DIAPH3: variants seen among roughly 807,000 people sequenced by gnomAD.
The protein encoded by DIAPH3 is protein diaphanous homolog 3.
DIAPH3 carries 117 observed loss-of-function variants against 144.3 expected under a neutral mutation model. That is an observed-to-expected ratio of 0.81 (90% CI 0.70 to 0.95). The LOEUF (loss-of-function observed/expected upper bound fraction) is 0.95. DIAPH3 is among the 40% of genes least tolerant of loss of function. DIAPH3 has a pLI of 0.00. For synonymous variants in DIAPH3, 519 were observed against 488.9 expected (o/e 1.06, Z -0.81); for missense variants, 1,421 against 1,412.7 (o/e 1.01, Z -0.09).
chr13:59,711,563 C>G (rs1186747231), intron 27 of DIAPH3, among the ~76,000 whole-genome samples: 2 of 152,212 alleles, frequency 1.3e-5, no homozygotes, highest in East Asian at 1.9e-4. Context: ...ACCACTACCC[C>G]CTCTCTTACC....
intron 27 of DIAPH3, among the ~76,000 whole-genome samples, chr13:59,752,459 C>T (rs780510697): frequency 3.3e-4 from 50 of 151,832 alleles, no homozygotes; most frequent in South Asian, 8.3e-4. Context: ...TCTCGACCTC[C>T]TAGGCTCAAG....
intron 27 of DIAPH3, among the ~76,000 whole-genome samples, chr13:59,676,232 A>G (rs1029951338): frequency 1.3e-5 from 2 of 152,230 alleles, no homozygotes; most frequent in African/African-American, 4.8e-5. Context: ...GTAGCTATCC[A>G]GACTCAGTTT....
chr13:60,095,720 G>A (rs2058088630), intron 3 of DIAPH3, among the ~76,000 whole-genome samples: 1 of 151,946 alleles, frequency 6.6e-6, no homozygotes, highest in Non-Finnish European at 1.5e-5. Context: ...AGAAATAGAT[G>A]TAAAATGTAA....
At chr13:59,898,293 T>C (rs1353795780) in intron 20 of DIAPH3, among the ~76,000 whole-genome samples, 2 of 152,186 alleles carry the variant, frequency 1.3e-5, no homozygotes, top group African/African-American at 4.8e-5. Context: ...TATATTCACG[T>C]ATATTTTAAC....
intron 20 of DIAPH3, among the ~76,000 whole-genome samples, chr13:59,897,869 C>T (rs942476182): frequency 5.9e-5 from 9 of 151,918 alleles, no homozygotes; most frequent in East Asian, 1.9e-4. Context: ...TGGTGGCTCA[C>T]GCCTGTAATT....
intron 18 of DIAPH3, among the ~76,000 whole-genome samples, chr13:59,922,273 C>A (rs537904596): frequency 6.6e-6 from 1 of 151,920 alleles, no homozygotes; most frequent in Admixed American, 6.6e-5. Context: ...CAGAAAACAA[C>A]CTTAAATATA....
chr13:59,872,606 A>G (rs2044344090), intron 21 of DIAPH3, among the ~76,000 whole-genome samples: 2 of 152,258 alleles, frequency 1.3e-5, no homozygotes, highest in Admixed American at 1.3e-4. Flanking sequence ...CCAAAAATGT[A>G]GAAACAATGC....
At chr13:59,905,726 G>A (rs2046699786) in intron 20 of DIAPH3, among the ~76,000 whole-genome samples, 1 of 152,160 alleles carries the variant, frequency 6.6e-6, no homozygotes, top group Admixed American at 6.5e-5. Flanking sequence ...CCTTATAAGA[G>A]GGAAGCAGGA....
intron 14 of DIAPH3, among the ~76,000 whole-genome samples, chr13:59,974,823 C>G (rs147147505): frequency 6.6e-6 from 1 of 152,040 alleles, no homozygotes; most frequent in Non-Finnish European, 1.5e-5. Flanking sequence ...TTCCTTGCAT[C>G]TTCCACCTGC....
intron 3 of DIAPH3, among the ~76,000 whole-genome samples, chr13:60,100,702 G>T (rs1205754987): frequency 6.0e-5 from 9 of 151,006 alleles, no homozygotes; most frequent in Admixed American, 4.6e-4. Context: ...TATTTTAAAA[G>T]ACTAAATTGA....
chr13:59,971,063 G>C lies in DIAPH3; in HGVS notation c.1748C>G (p.Ser583Cys). The change falls in exon 16 of 28, where the codon TCT (serine) becomes TGT (cysteine). Residue 583 changes from serine to cysteine, a missense_variant. By Grantham distance (112) the Ser-to-Cys change is moderately radical (BLOSUM62 -1). Transcript: ENST00000400324. ...AGGTGGAGGCGGCACCCCTCCACCA[G>C]AAGGCAGTGGAGGCGGAGGAGGAAG... The part of the protein sequence containing the change: ...SALPPPPPLP[S>C]GGGVPPPPPP... 1 of 1,613,784 alleles carries C rather than the reference G, an allele frequency of 6.2e-7. No homozygotes were observed. The highest frequency in any genetic ancestry group is 8.5e-7 in the Non-Finnish European group (1 of 1,179,902).
At chr13:59,885,648 G>A (rs553009634) in intron 20 of DIAPH3, among the ~76,000 whole-genome samples, 1 of 152,042 alleles carries the variant, frequency 6.6e-6, no homozygotes, top group South Asian at 2.1e-4. Context: ...CCCACAAAAG[G>A]TATGTCTAAA....
At chr13:59,818,479 C>T (rs1226742383) in intron 24 of DIAPH3, among the ~76,000 whole-genome samples, 1 of 151,030 alleles carries the variant, frequency 6.6e-6, no homozygotes, top group Non-Finnish European at 1.5e-5. Flanking sequence ...TTCTCTCTGG[C>T]TGCAATTTTT....
chr13:59,983,155 A>AC (rs2051134286), intron 13 of DIAPH3, among the ~76,000 whole-genome samples: 2 of 149,808 alleles, frequency 1.3e-5, no homozygotes, highest in Non-Finnish European at 3.0e-5. Flanking sequence ...AAAAAAAAAA[A>AC]AAAACTCTCA....
At chr13:60,154,296 CT>C (rs897142895) in intron 1 of DIAPH3, among the ~76,000 whole-genome samples, 6 of 152,198 alleles carry the variant, frequency 3.9e-5, no homozygotes, top group South Asian at 2.1e-4. Flanking sequence ...CAAAACATAA[CT>C]TTTAATCTTC....
intron 27 of DIAPH3, among the ~76,000 whole-genome samples, chr13:59,682,646 C>T (rs1468067141): frequency 6.6e-6 from 1 of 152,132 alleles, no homozygotes; most frequent in East Asian, 1.9e-4. Context: ...TAAAATACTG[C>T]ATTAAACTCT....
intron 18 of DIAPH3, among the ~76,000 whole-genome samples, chr13:59,920,440 A>G (rs1350246214): frequency 1.3e-5 from 2 of 151,844 alleles, no homozygotes; most frequent in African/African-American, 4.8e-5. Flanking sequence ...AAAAACTGTA[A>G]AAGGAGACAA....
rs375908956 is a variant in DIAPH3 at position 60,011,494 on chromosome 13, C to A, written c.772-825G>T. Among the ~76,000 whole-genome samples, 30 of 152,244 alleles carry A rather than the reference C, an allele frequency of 2.0e-4. No individual in the cohort carries two copies. The East Asian group carries it at 2.9e-3, about 15-fold the overall frequency. ...TTTTCAATAAAATTAATCCAATATA[C>A]CCCAAATATTACCATTTCAACATAT... On this transcript the variant is annotated intron_variant, in intron 7 of 27. Transcript: ENST00000400324.
At chr13:59,866,321 G>T (rs2043922870) in intron 21 of DIAPH3, among the ~76,000 whole-genome samples, 1 of 151,996 alleles carries the variant, frequency 6.6e-6, no homozygotes, top group African/African-American at 2.4e-5. Context: ...ATCACATGGA[G>T]CCAATGATTG....
Sources: gnomAD v4.1 joint callset for allele counts (sites outside exome capture counted in the v4.1 genomes callset) on GRCh38, gnomAD v4.1.1 for gene constraint, MANE v1.5 for transcripts, NCBI Gene and HGNC (gene_info 2026-07-23, HGNC 2026-07-21) for gene names.